PCDHA3: variants seen among roughly 807,000 people sequenced by gnomAD.
The protein encoded by PCDHA3 is protocadherin alpha 3.
Under a neutral mutation model 62.2 loss-of-function variants are expected in PCDHA3, and 41 were observed. That is an observed-to-expected ratio of 0.66 (90% CI 0.51 to 0.86). PCDHA3 has a LOEUF of 0.86. PCDHA3 is among the 40% of genes least tolerant of loss of function. The pLI is 0.00. For synonymous variants in PCDHA3, 640 were observed against 555.4 expected (o/e 1.15, Z -2.14); for missense variants, 1,304 against 1,241.2 (o/e 1.05, Z -0.76).
intron 1 of PCDHA3, chr5:140,829,205 A>C (rs2150163875): frequency 6.2e-7 from 1 of 1,614,212 alleles, no homozygotes; most frequent in Non-Finnish European, 8.5e-7. Flanking sequence ...CATCGCCCTA[A>C]TTAGCGTGAA....
intron 1 of PCDHA3, chr5:140,821,697 A>G: frequency 7.1e-7 from 1 of 1,400,570 alleles, no homozygotes; most frequent in East Asian, 2.3e-5. Context: ...TAAAAAATAT[A>G]TAGTTAATTG....
Position 140,841,926 on chromosome 5 carries a change from G to T in PCDHA3, c.2394+38335G>T, listed in dbSNP as rs1490008187. 5.6e-6 allele frequency: 9 copies of T among 1,613,806 alleles called. No individual in the cohort carries two copies. The Admixed American group carries it at 1.5e-4, about 27-fold the overall frequency. On this transcript the variant is annotated intron_variant, in intron 1 of 3. Transcript: ENST00000522353. ...CTCGTATTAAGAAAATCCTTGGACA[G>T]AGAGGACGCTCCTGCGCACCACTTA...
intron 1 of PCDHA3, among the ~76,000 whole-genome samples, chr5:140,920,717 G>A (rs1042476401): frequency 1.3e-5 from 2 of 152,044 alleles, no homozygotes; most frequent in African/African-American, 2.4e-5. Flanking sequence ...GGTGGTGTGC[G>A]CCTGCAGTCC....
At chr5:140,927,540 C>T (rs1376391756) in intron 1 of PCDHA3, 6 of 1,614,136 alleles carry the variant, frequency 3.7e-6, no homozygotes, top group African/African-American at 2.7e-5. Flanking sequence ...GCTCAGGAGA[C>T]GCACAAGTCA....
In PCDHA3 at chr5:140,927,525, T is replaced by G. The variant is rs782496581; in HGVS notation, c.2395-51424T>G. ...TTACAGCTCGGGACGGCGGGCTACC[T>G]GCCCGCTCAGGAGACGCACAAGTCA... On this transcript the variant is annotated intron_variant, in intron 1 of 3. Transcript: ENST00000522353. 3.1e-6 allele frequency: 5 copies of G among 1,614,088 alleles called. 1 individual carries two copies. In the South Asian group the frequency reaches 5.5e-5, roughly 18 times the overall value.
chr5:141,009,739 C>A lies in PCDHA3; in HGVS notation c.2655C>A (p.Pro885=), dbSNP rs370989006. Residue 885 remains proline, a synonymous_variant, in exon 4 of 4, where the codon CCC becomes CCA. Transcript: ENST00000522353. ...AACAATCCGGTCCCGGTGAGTTGCC[C>A]GACAAATTCATTATCCCAGGATCTC... ...NPKQSGPGEL[P]DKFIIPGSPA... 2 of 1,614,010 alleles carry A rather than the reference C, an allele frequency of 1.2e-6. No homozygotes were observed. Among genetic ancestry groups the A allele is most frequent in the Non-Finnish European group, 1.7e-6 (2 of 1,180,008 alleles).
At chr5:140,971,728 C>A (rs1221096186) in intron 1 of PCDHA3, among the ~76,000 whole-genome samples, 2 of 151,550 alleles carry the variant, frequency 1.3e-5, no homozygotes, top group African/African-American at 2.4e-5. Flanking sequence ...GTATATCATA[C>A]ATATACACAT....
rs1274589805 is a variant in PCDHA3, at chr5:140,906,709, G to T, written c.2395-72240G>T. Among the ~76,000 whole-genome samples the T allele has an allele frequency of 3.3e-5, 5 of 152,190 alleles. No individual in the cohort carries two copies. In the East Asian group the frequency reaches 9.6e-4, roughly 29 times the overall value. ...AAGGATCTGGGCCATTTGTAGTCCT[G>T]CCTGGATTGTGCTGTTGTAGTTTCC... On this transcript the variant is annotated intron_variant, in intron 1 of 3. Transcript: ENST00000522353.
At chr5:140,830,282 G>T (rs2150184227) in intron 1 of PCDHA3, 4 of 1,613,822 alleles carry the variant, frequency 2.5e-6, no homozygotes, top group Admixed American at 1.7e-5. Flanking sequence ...CACCGAGGGC[G>T]CGTGCACGGC....
chr5:140,829,833 T>A, intron 1 of PCDHA3: 6 of 1,613,890 alleles, frequency 3.7e-6, no homozygotes, highest in Non-Finnish European at 5.1e-6. Flanking sequence ...AGCGAGCTGG[T>A]GCCGCGGTCA....
chr5:140,965,678 T>C (rs937496921), intron 1 of PCDHA3, among the ~76,000 whole-genome samples: 1 of 152,182 alleles, frequency 6.6e-6, no homozygotes, highest in Non-Finnish European at 1.5e-5. Context: ...ATGTAAAAGA[T>C]TTGAAGCAAG....
rs782131323 is a variant in PCDHA3 at position 140,808,836 on chromosome 5, C to T, written c.2394+5245C>T. 6.2e-6 allele frequency: 10 copies of T among 1,613,098 alleles called. No individual in the cohort carries two copies. In the South Asian group the frequency reaches 9.9e-5, roughly 16 times the overall value. ...GTGCCACCTCTGGGCAGCAACGTGA[C>T]GCTGCAGGTGTTCGTGCTGGACGAA... On this transcript the variant is annotated intron_variant, in intron 1 of 3. Coordinates refer to ENST00000522353, the MANE Select transcript of PCDHA3 (RefSeq NM_018906.3).
intron 1 of PCDHA3, chr5:140,868,979 C>A: frequency 6.7e-7 from 1 of 1,485,290 alleles, no homozygotes; most frequent in Non-Finnish European, 9.0e-7. Context: ...TCCATCATAC[C>A]GGATGCCACC....
intron 1 of PCDHA3, chr5:140,849,278 G>A (rs1427040308): frequency 8.5e-7 from 1 of 1,179,884 alleles, no homozygotes; most frequent in Non-Finnish European, 1.2e-6. Context: ...GAACGCTGGT[G>A]ATTCACCCCA....
chr5:140,895,442 C>T (rs2065008027), intron 1 of PCDHA3, among the ~76,000 whole-genome samples: 1 of 152,148 alleles, frequency 6.6e-6, no homozygotes. Context: ...AGACTCTTTT[C>T]ATGTGCTTAT....
intron 1 of PCDHA3, chr5:140,877,726 C>T (rs781814794): frequency 6.2e-7 from 1 of 1,614,174 alleles, no homozygotes; most frequent in African/African-American, 1.3e-5. Context: ...GTCTTACTCG[C>T]AGCAGAGGAG....
intron 1 of PCDHA3, chr5:140,877,160 C>G: frequency 6.2e-7 from 1 of 1,613,814 alleles, no homozygotes; most frequent in Non-Finnish European, 8.5e-7. Flanking sequence ...GACAACGCGC[C>G]GGCACTGCTG....
chr5:140,901,020 C>G (rs528406801), intron 1 of PCDHA3, among the ~76,000 whole-genome samples: 2 of 152,262 alleles, frequency 1.3e-5, no homozygotes, highest in African/African-American at 4.8e-5. Flanking sequence ...TGAGAAACAT[C>G]TATTCAACTC....
At chr5:140,938,002 G>A (rs1396127552) in intron 1 of PCDHA3, among the ~76,000 whole-genome samples, 1 of 151,938 alleles carries the variant, frequency 6.6e-6, no homozygotes, top group Non-Finnish European at 1.5e-5. Context: ...TGTATCCAAT[G>A]TTCTTGCTAA....
Sources: gnomAD v4.1 joint callset for allele counts (sites outside exome capture counted in the v4.1 genomes callset) on GRCh38, gnomAD v4.1.1 for gene constraint, MANE v1.5 for transcripts, NCBI Gene and HGNC (gene_info 2026-07-23, HGNC 2026-07-21) for gene names.